The following PKP4 variants were observed in gnomAD, a reference collection of about 807,000 sequenced individuals.
PKP4 encodes plakophilin 4.
PKP4 carries 90 observed loss-of-function variants against 145.1 expected under a neutral mutation model. The observed-to-expected ratio is 0.62, with a 90% CI of 0.52 to 0.74. The LOEUF is 0.74. PKP4 is among the 30% of genes least tolerant of loss of function. The pLI is 0.00. For missense variants in PKP4, 1,340 were observed against 1,482.7 expected, an observed-to-expected ratio of 0.90 and a Z score of 1.58; for synonymous variants, 563 against 577.2, an observed-to-expected ratio of 0.98 and a Z score of 0.35.
chr2:158,457,411 G>C (rs1688942334), intron 1 of PKP4, 193 bp downstream of exon 1: 1 of 152,312 alleles, frequency 6.6e-6, no homozygotes, highest in East Asian at 2.0e-4. Flanking sequence ...GCACTCGCCT[G>C]CTGCTCCCCT....
intron 1 of PKP4, among the ~76,000 whole-genome samples, chr2:158,473,479 T>C (rs765907279): frequency 2.0e-5 from 3 of 152,122 alleles, no homozygotes; most frequent in Non-Finnish European, 2.9e-5. Context: ...TATGCAGCCA[T>C]AAAAATAACA....
intron 3 of PKP4, among the ~76,000 whole-genome samples, chr2:158,592,325 G>A (rs948333125): frequency 1.3e-5 from 2 of 151,992 alleles, no homozygotes; most frequent in Non-Finnish European, 2.9e-5. Context: ...TAGAAACATA[G>A]TATATGCTAT....
chr2:158,512,382 C>A (rs577524705), intron 1 of PKP4, among the ~76,000 whole-genome samples: 1 of 152,268 alleles, frequency 6.6e-6, no homozygotes, highest in South Asian at 2.1e-4. Flanking sequence ...GATTAACATG[C>A]TTGTGGTGGT....
chr2:158,505,639 C>T (rs985598921), intron 1 of PKP4, among the ~76,000 whole-genome samples: 3 of 151,824 alleles, frequency 2.0e-5, no homozygotes, highest in African/African-American at 7.3e-5. Flanking sequence ...AGAAAAGAAG[C>T]AGGGTGGGTG....
chr2:158,487,372 G>T (rs1694318787), intron 1 of PKP4, among the ~76,000 whole-genome samples: 1 of 152,126 alleles, frequency 6.6e-6, no homozygotes, highest in Admixed American at 6.5e-5. Context: ...ATCATTATGT[G>T]TGTTTTACAC....
chr2:158,530,175 C>T (rs1344194226), intron 1 of PKP4, among the ~76,000 whole-genome samples: 1 of 152,194 alleles, frequency 6.6e-6, no homozygotes, highest in Non-Finnish European at 1.5e-5. Context: ...CATGACTTTT[C>T]TGTGGTGCCC....
intron 3 of PKP4, among the ~76,000 whole-genome samples, chr2:158,583,387 G>T (rs527617218): frequency 1.3e-5 from 2 of 152,300 alleles, no homozygotes; most frequent in Non-Finnish European, 2.9e-5. Context: ...AGATAAGACC[G>T]TATTCTTACT....
In PKP4 at chr2:158,634,071, A is replaced by G. The variant is rs775035834; in HGVS notation, c.1344A>G (p.Val448=). 16 of 1,561,922 alleles carry G rather than the reference A, an allele frequency of 1.0e-5. No individual in the cohort carries two copies. The highest frequency in any genetic ancestry group is 3.5e-6 in the Non-Finnish European group (4 of 1,132,548). Residue 448 remains valine (V), a splice_region_variant and synonymous_variant, in exon 9 of 22, where the codon GTA becomes GTG. Coordinates refer to ENST00000389759, the MANE Select transcript of PKP4 (RefSeq NM_003628.6). ...TTTTTCAAAATGTTGACTTTCTAGT[A>G]GGTATTGGAAATCTACAAAGGACAT... ...SQTALYRTGS[V]GIGNLQRTSS...
At chr2:158,550,140 A>AACCTATTAATTCTATTAAT (rs550269421) in intron 2 of PKP4, among the ~76,000 whole-genome samples, 1 of 151,864 alleles carries the variant, frequency 6.6e-6, no homozygotes, top group South Asian at 2.1e-4. Flanking sequence ...TTCTGCCAAG[A>AACCTATTAATTCTATTAAT]AGAAGTTAAA....
intron 1 of PKP4, among the ~76,000 whole-genome samples, chr2:158,462,847 G>C (rs1689979806): frequency 6.6e-6 from 1 of 152,170 alleles, no homozygotes; most frequent in South Asian, 2.1e-4. Context: ...ACTTCATATG[G>C]TTGTTGGGGA....
chr2:158,467,563 AAT>A (rs1491225203), intron 1 of PKP4, among the ~76,000 whole-genome samples: 2 of 151,118 alleles, frequency 1.3e-5, no homozygotes, highest in Non-Finnish European at 3.0e-5. Flanking sequence ...AAAAAAAAAA[AAT>A]GTGGGCACGG....
At chr2:158,628,998 C>T (rs1419869750) in intron 7 of PKP4, among the ~76,000 whole-genome samples, 2 of 152,076 alleles carry the variant, frequency 1.3e-5, no homozygotes, top group Non-Finnish European at 2.9e-5. Flanking sequence ...GGTACATTCA[C>T]CTGTCTGCTT....
intron 3 of PKP4, among the ~76,000 whole-genome samples, chr2:158,596,446 A>G (rs2049748522): frequency 1.3e-5 from 2 of 152,170 alleles, no homozygotes; most frequent in Admixed American, 1.3e-4. Flanking sequence ...GAAAGGCCAC[A>G]ATGTACAAAT....
intron 1 of PKP4, among the ~76,000 whole-genome samples, chr2:158,495,364 AAC>A (rs72008413): frequency 0.12 from 18,757 of 150,224 alleles, 1,492 homozygotes; most frequent in Admixed American, 0.22. Context: ...AAAAAAAAAA[AAC>A]AACAAAGCCC....
chr2:158,562,227 T>A (rs1192434990), intron 2 of PKP4, among the ~76,000 whole-genome samples: 1 of 152,216 alleles, frequency 6.6e-6, no homozygotes, highest in Non-Finnish European at 1.5e-5. Context: ...ATAACCCAAG[T>A]TGTTTTTAAT....
intron 1 of PKP4, among the ~76,000 whole-genome samples, chr2:158,476,175 C>G (rs966820187): frequency 1.3e-5 from 2 of 152,080 alleles, no homozygotes; most frequent in Non-Finnish European, 2.9e-5. Flanking sequence ...GGTACACATG[C>G]GATTGTATCT....
intron 16 of PKP4, among the ~76,000 whole-genome samples, chr2:158,668,163 A>G (rs1281969270): frequency 6.9e-6 from 1 of 145,936 alleles, no homozygotes; most frequent in Non-Finnish European, 1.5e-5. Context: ...CTCTCCAGTG[A>G]TGAGCTTTTT....
intron 17 of PKP4, among the ~76,000 whole-genome samples, chr2:158,671,805 A>G (rs1395541319): frequency 1.3e-5 from 2 of 152,354 alleles, no homozygotes; most frequent in East Asian, 3.9e-4. Context: ...GGCAGGGCGC[A>G]TAATAATGTC....
intron 1 of PKP4, among the ~76,000 whole-genome samples, chr2:158,461,626 C>A (rs978186236): frequency 1.3e-5 from 2 of 151,880 alleles, no homozygotes; most frequent in East Asian, 3.9e-4. Flanking sequence ...TAGAATAATA[C>A]AGTCTTCACA....
Sources: gnomAD v4.1 joint callset for allele counts (sites outside exome capture counted in the v4.1 genomes callset) on GRCh38, gnomAD v4.1.1 for gene constraint, MANE v1.5 for transcripts, NCBI Gene and HGNC (gene_info 2026-07-23, HGNC 2026-07-21) for gene names.